SORCS2: variants seen among roughly 807,000 people sequenced by gnomAD.
SORCS2 encodes VPS10 domain-containing receptor SorCS2.
Under a neutral mutation model 141.6 loss-of-function variants are expected in SORCS2, and 100 were observed. That is an observed-to-expected ratio of 0.71 (90% CI 0.60 to 0.83). The LOEUF (loss-of-function observed/expected upper bound fraction) is 0.83. Ranked by LOEUF, SORCS2 falls within the 40% of genes least tolerant of loss-of-function variation. The pLI is 0.00. For missense variants in SORCS2, 1,646 were observed against 1,560.2 expected (o/e 1.05, Z -0.93); for synonymous variants, 789 against 676.9 (o/e 1.17, Z -2.57).
chr4:7,217,228 C>T (rs1728415881), intron 1 of SORCS2, among the ~76,000 whole-genome samples: 1 of 152,188 alleles, frequency 6.6e-6, no homozygotes, highest in African/African-American at 2.4e-5. Context: ...CCATCTCACC[C>T]CCGCCTTTCT....
chr4:7,673,790 T>A (rs1722932294), intron 8 of SORCS2, among the ~76,000 whole-genome samples: 1 of 152,148 alleles, frequency 6.6e-6, no homozygotes, highest in Non-Finnish European at 1.5e-5. Flanking sequence ...AAATACGGCA[T>A]CCTGACGACA....
rs533203772 is a variant in SORCS2 at position 7,237,613 on chromosome 4, G to A, written c.480+44487G>A. On this transcript the variant is annotated intron_variant, in intron 1 of 26. Transcript: ENST00000507866. ...CCAGGTATTGAGCTTGCTGCAACGG[G>A]TGCCTTATTGAGGAAAGCAGACGGG... 2.6e-5 allele frequency among the ~76,000 whole-genome samples: 4 copies of A among 152,228 alleles called. No individual in the cohort carries two copies. In the East Asian group the frequency reaches 5.8e-4, roughly 22 times the overall value.
At chr4:7,480,137 G>C (rs1730542386) in intron 2 of SORCS2, among the ~76,000 whole-genome samples, 1 of 152,220 alleles carries the variant, frequency 6.6e-6, no homozygotes, top group Non-Finnish European at 1.5e-5. Flanking sequence ...CTGGAGTGGA[G>C]CGGCTGTGGC....
intron 1 of SORCS2, among the ~76,000 whole-genome samples, chr4:7,309,971 G>C (rs969090543): frequency 5.3e-5 from 8 of 152,254 alleles, no homozygotes; most frequent in Non-Finnish European, 1.5e-5. Flanking sequence ...CAAGGAGCAG[G>C]CGCTGGGAAA....
At chr4:7,529,134 TG>T (rs1178667860) in intron 2 of SORCS2, among the ~76,000 whole-genome samples, 2 of 152,174 alleles carry the variant, frequency 1.3e-5, no homozygotes, top group African/African-American at 4.8e-5. Context: ...CACAGGAATT[TG>T]GGGAACACTA....
At chr4:7,288,377 T>C (rs903588403) in intron 1 of SORCS2, among the ~76,000 whole-genome samples, 1 of 151,882 alleles carries the variant, frequency 6.6e-6, no homozygotes, top group African/African-American at 2.4e-5. Flanking sequence ...AGGGGCTCTG[T>C]ATTTGTCAAC....
intron 1 of SORCS2, among the ~76,000 whole-genome samples, chr4:7,250,422 T>A (rs1713418302): frequency 6.6e-6 from 1 of 152,124 alleles, no homozygotes; most frequent in Admixed American, 6.6e-5. Context: ...TCTGGTGTGG[T>A]TTCAAGTCAG....
intron 18 of SORCS2, among the ~76,000 whole-genome samples, chr4:7,723,375 G>A (rs367615061): frequency 6.6e-5 from 10 of 152,168 alleles, no homozygotes; most frequent in South Asian, 6.2e-4. Flanking sequence ...GGTCTCCCCC[G>A]GGCCCTGACT....
intron 1 of SORCS2, among the ~76,000 whole-genome samples, chr4:7,314,829 T>TTTTTTTG (rs1560185676): frequency 8.6e-6 from 1 of 116,516 alleles, no homozygotes; most frequent in African/African-American, 3.5e-5. Flanking sequence ...TTTTTTTTTT[T>TTTTTTTG]ATTGTTGTTG....
intron 2 of SORCS2, among the ~76,000 whole-genome samples, chr4:7,414,306 C>A (rs1435783478): frequency 1.3e-5 from 2 of 152,124 alleles, no homozygotes; most frequent in African/African-American, 2.4e-5. Flanking sequence ...CCCCGTCCTA[C>A]CCCCGGGCAT....
At chr4:7,401,866 A>G (rs80133065) in intron 2 of SORCS2, among the ~76,000 whole-genome samples, 7,226 of 152,198 alleles carry the variant, frequency 0.047, 187 homozygotes, top group East Asian at 0.084. Flanking sequence ...CCTTTTTGTT[A>G]GGGATAGGAA....
intron 1 of SORCS2, among the ~76,000 whole-genome samples, chr4:7,217,725 C>A (rs893208422): frequency 6.6e-6 from 1 of 152,154 alleles, no homozygotes; most frequent in Non-Finnish European, 1.5e-5. Flanking sequence ...TGTGACAACA[C>A]GCACACACAA....
At chr4:7,543,671 T>TCCATCCAC (rs1577723638) in intron 3 of SORCS2, among the ~76,000 whole-genome samples, 2 of 102,786 alleles carry the variant, frequency 1.9e-5, no homozygotes, top group Non-Finnish European at 4.1e-5. Flanking sequence ...CACCCATCCA[T>TCCATCCAC]CCATCCACCC....
At position 7,498,456 on chromosome 4, in the gene SORCS2, C is replaced by T. The variant is rs138648228; in HGVS notation, c.549-33074C>T. ...GCAGCAAATCACTGCTGGGCGACAACACCTCTGAGTGTGGTGCAGAGCTGC... is the reference window on the plus strand; with the variant it reads ...GCAGCAAATCACTGCTGGGCGACAATACCTCTGAGTGTGGTGCAGAGCTGC... On this transcript the variant is annotated intron_variant, in intron 2 of 26. Coordinates refer to ENST00000507866, the MANE Select transcript of SORCS2 (RefSeq NM_020777.3). Among the ~76,000 whole-genome samples, 15 of 152,362 alleles carry T rather than the reference C, an allele frequency of 9.8e-5. No homozygotes were observed. In the East Asian group the frequency reaches 2.5e-3, roughly 25 times the overall value.
chr4:7,237,085 C>A (rs1712337546), intron 1 of SORCS2, among the ~76,000 whole-genome samples: 1 of 152,250 alleles, frequency 6.6e-6, no homozygotes, highest in Middle Eastern at 3.4e-3. Flanking sequence ...TAGTTCCTGG[C>A]AGTGGTGCAG....
Position 7,201,093 on chromosome 4 carries a change from G to A in SORCS2, c.480+7967G>A, listed in dbSNP as rs986844287. ...TTCACCCCAGCGCGTTCTAGGTGCC[G>A]TGTGAATCTGCGCTGGGGAAGTCTG... On this transcript the variant is annotated intron_variant, in intron 1 of 26. Transcript: ENST00000507866. This position sits in a 1 kb window ranked among gnomAD's most constrained non-coding sequence, Gnocchi z 4.4. Among the ~76,000 whole-genome samples the A allele has an allele frequency of 6.6e-6, 1 of 152,198 alleles. No individual in the cohort carries two copies. The highest frequency in any genetic ancestry group is 1.5e-5 in the Non-Finnish European group (1 of 68,042).
chr4:7,374,170 T>TCTTC (rs1560229437), intron 1 of SORCS2, among the ~76,000 whole-genome samples: 109 of 142,308 alleles, frequency 7.7e-4, no homozygotes, highest in African/African-American at 2.8e-3. Context: ...TTTCTTTCTT[T>TCTTC]CTTTCTTTCT....
At chr4:7,632,811 A>G (rs1017426386) in intron 3 of SORCS2, among the ~76,000 whole-genome samples, 1 of 152,132 alleles carries the variant, frequency 6.6e-6, no homozygotes, top group Non-Finnish European at 1.5e-5. Flanking sequence ...AAGCAGACCC[A>G]CCAAGAGGAC....
rs1730719494 is a variant in SORCS2, at chr4:7,482,648, G to A, written c.549-48882G>A. ...GACACCCCTGACGCTGTTTAGACCT[G>A]TATCCCCGCTGCGGACACCCCTGGC... is the stretch of plus-strand genomic sequence containing the variant. On this transcript the variant is annotated intron_variant, in intron 2 of 26. Coordinates refer to ENST00000507866, the MANE Select transcript of SORCS2 (RefSeq NM_020777.3). 2.6e-5 allele frequency among the ~76,000 whole-genome samples: 2 copies of A among 77,922 alleles called. 1 individual carries two copies. The highest frequency in any genetic ancestry group is 4.6e-5 in the Non-Finnish European group (2 of 43,954). The allele number at this position is 77,922 out of a possible 152,430, so 51.1% of individuals were successfully genotyped here. A position where few individuals can be genotyped will look rare whatever the true frequency, so the allele number is the denominator to read the frequency against.
Sources: gnomAD v4.1 joint callset for allele counts (sites outside exome capture counted in the v4.1 genomes callset) on GRCh38, gnomAD v4.1.1 for gene constraint, Gnocchi (gnomAD v3.1) non-coding constraint, MANE v1.5 for transcripts, NCBI Gene and HGNC (gene_info 2026-07-23, HGNC 2026-07-21) for gene names.